Variants in STAB2 observed in about 807,000 individuals in gnomAD.
The protein encoded by STAB2 is stabilin-2.
Under a neutral mutation model 338.1 loss-of-function variants are expected in STAB2, and 288 were observed. The ratio of observed to expected loss-of-function variants is 0.85; its 90% CI spans 0.77 to 0.94. STAB2 has a LOEUF of 0.94. STAB2 is among the 40% of genes least tolerant of loss of function. The pLI, the probability that STAB2 is intolerant of heterozygous loss-of-function variation, is 0.00. For missense variants in STAB2, 3,141 were observed against 3,210.1 expected (o/e 0.98, Z 0.52); for synonymous variants, 1,202 against 1,193.3 (o/e 1.01, Z -0.15).
At position 103,737,598 on chromosome 12, in the gene STAB2, C is replaced by G. The variant is rs61937836; in HGVS notation, c.5551-36C>G. ...TTTCTCTCTCTCTCTCTCTCTCTCT[C>G]TCTTTCTCTTTTTTTTTTTTTTTTT... On this transcript the variant is annotated intron_variant, in intron 52 of 68. Transcript: ENST00000388887. 3.0e-5 allele frequency: 37 copies of G among 1,252,960 alleles called. 1 individual carries two copies. The highest frequency in any genetic ancestry group is 3.1e-5 in the South Asian group (2 of 65,012). 77.6% of individuals were successfully genotyped at this position (1,252,960 alleles called of 1,614,324 possible).
rs768922145 is a variant in STAB2 at position 103,763,587 on chromosome 12, A to G, written c.7584A>G (p.Glu2528=). The G allele has an allele frequency of 3.2e-5, 52 of 1,613,912 alleles. No homozygotes were observed. The Admixed American group carries it at 6.2e-4, about 19-fold the overall frequency. The part of the protein sequence containing the change: ...LYESTTSAPP[E]PSYDPFTDSE... ...AGAGCACAACCTCAGCTCCCCCAGA[A>G]CCTTCCTACGACCCCTTCACGGTGA... Residue 2528 remains glutamate (E), a synonymous_variant, in exon 68 of 69, where the codon GAA becomes GAG. Coordinates refer to ENST00000388887, the MANE Select transcript of STAB2 (RefSeq NM_017564.10).
intron 3 of STAB2, among the ~76,000 whole-genome samples, chr12:103,611,182 G>C (rs1183440797): frequency 6.6e-6 from 1 of 152,200 alleles, no homozygotes; most frequent in Admixed American, 6.5e-5. Context: ...GGGGTGGAGA[G>C]TTCTGTAGAT....
At chr12:103,649,132 C>T (rs1339308460) in intron 10 of STAB2, among the ~76,000 whole-genome samples, 5 of 152,216 alleles carry the variant, frequency 3.3e-5, no homozygotes. Context: ...TGTGAGGATA[C>T]AAACTGTCCC....
chr12:103,625,329 G>A (rs1957364251), intron 5 of STAB2, among the ~76,000 whole-genome samples: 1 of 152,290 alleles, frequency 6.6e-6, no homozygotes, highest in African/African-American at 2.4e-5. Context: ...TGGAGAAAGG[G>A]CAAGTGAAAG....
chr12:103,734,366 CAAG>C (rs992577386), intron 51 of STAB2, among the ~76,000 whole-genome samples: 1 of 150,002 alleles, frequency 6.7e-6, no homozygotes, highest in Non-Finnish European at 1.5e-5. Context: ...CTCATAGGAA[CAAG>C]AGCGATCATA....
At chr12:103,647,220 A>C (rs1478545364) in intron 9 of STAB2, among the ~76,000 whole-genome samples, 1 of 152,220 alleles carries the variant, frequency 6.6e-6, no homozygotes, top group Non-Finnish European at 1.5e-5. Flanking sequence ...GAGGCTGTGC[A>C]ACAATCCAGG....
chr12:103,654,820 G>C, intron 13 of STAB2, 122 bp downstream of exon 13: 1 of 1,209,894 alleles, frequency 8.3e-7, no homozygotes, highest in Non-Finnish European at 1.1e-6. Flanking sequence ...ATCCCGAGCA[G>C]AGAGAAGAAG....
intron 27 of STAB2, 49 bp from the exon 28 acceptor site, chr12:103,688,115 TTCTC>T (rs1877592964): frequency 6.4e-7 from 1 of 1,552,464 alleles, no homozygotes. Flanking sequence ...TCATTGTTCT[TTCTC>T]TGTGTTCTCT....
At chr12:103,765,148 C>CTAAG (rs1235216729) in intron 68 of STAB2, among the ~76,000 whole-genome samples, 1 of 142,180 alleles carries the variant, frequency 7.0e-6, no homozygotes, top group Non-Finnish European at 1.5e-5. Context: ...CATTTGTTAA[C>CTAAG]TAAGTACTGT....
chr12:103,672,148 C>G (rs1446042135), intron 22 of STAB2, among the ~76,000 whole-genome samples: 1 of 152,226 alleles, frequency 6.6e-6, no homozygotes, highest in African/African-American at 2.4e-5. Context: ...TAACTCCACA[C>G]ATTTCCTATG....
At position 103,669,497 on chromosome 12, in the gene STAB2, C is replaced by A. The variant is rs111573111; in HGVS notation, c.2173-44C>A. 2.9e-3 allele frequency: 4,242 copies of A among 1,486,100 alleles called. 92 individuals carry two copies. In the African/African-American group the frequency reaches 0.049, roughly 17 times the overall value. The allele number at this position is 1,486,100 out of a possible 1,614,324, so 92.1% of individuals were successfully genotyped here. A position where few individuals can be genotyped will look rare whatever the true frequency, so the allele number is the denominator to read the frequency against. Reference sequence around the variant, plus strand: ...ATGCATCCCCTTTGAGGAATTGGTGCTCTACTTGGGGGTTCAAAGGGGAAC... The same window carrying A: ...ATGCATCCCCTTTGAGGAATTGGTGATCTACTTGGGGGTTCAAAGGGGAAC... On this transcript the variant is annotated intron_variant, in intron 20 of 68. Coordinates refer to ENST00000388887, the MANE Select transcript of STAB2 (RefSeq NM_017564.10).
chr12:103,698,740 C>A (rs1037616493), intron 33 of STAB2, among the ~76,000 whole-genome samples: 1 of 152,164 alleles, frequency 6.6e-6, no homozygotes, highest in Non-Finnish European at 1.5e-5. Flanking sequence ...AAGCTCCTCT[C>A]GTGCCCCAGA....
At chr12:103,758,398 C>A in intron 64 of STAB2, 109 bp downstream of exon 64, 1 of 1,535,214 alleles carries the variant, frequency 6.5e-7, no homozygotes, top group South Asian at 1.2e-5. Context: ...ATTTATTTAG[C>A]TCACAGATCA....
intron 34 of STAB2, among the ~76,000 whole-genome samples, chr12:103,701,809 T>C (rs546019276): frequency 1.4e-5 from 2 of 145,790 alleles, no homozygotes; most frequent in Non-Finnish European, 3.1e-5. Context: ...TGACTGCAAG[T>C]AAATCATAAG....
rs550091190 is a variant in STAB2, at chr12:103,711,159, T to C, written c.4289-312T>C. 1.7e-5 allele frequency: 6 copies of C among 362,256 alleles called. No individual in the cohort carries two copies. In the East Asian group the frequency reaches 2.9e-4, roughly 18 times the overall value. 22.4% of individuals were successfully genotyped at this position (362,256 alleles called of 1,614,324 possible). ...TCAAAACCCAGAAGAGGGGTACACA[T>C]CAACACCCAGACCATAAGAGCACAT... On this transcript the variant is annotated intron_variant, in intron 39 of 68. Coordinates refer to ENST00000388887, the MANE Select transcript of STAB2 (RefSeq NM_017564.10).
In STAB2 at chr12:103,634,136, A is replaced by G. The variant is rs528240809; in HGVS notation, c.583+2443A>G. Among the ~76,000 whole-genome samples the G allele has an allele frequency of 3.3e-5, 5 of 152,338 alleles. No individual in the cohort carries two copies. In the South Asian group the frequency reaches 1.0e-3, roughly 32 times the overall value. ...ACTAGTTAGGATAATGCTAGTTGCT[A>G]TAAAAAATAAACACAAAACTTCAGT... On this transcript the variant is annotated intron_variant, in intron 6 of 68. Transcript: ENST00000388887.
chr12:103,682,333 G>T (rs1230125153), intron 25 of STAB2, among the ~76,000 whole-genome samples: 1 of 152,166 alleles, frequency 6.6e-6, no homozygotes, highest in Non-Finnish European at 1.5e-5. Flanking sequence ...TCAGGCCAGG[G>T]GAGGATCGAG....
At chr12:103,764,888 A>C (rs1386686531) in intron 68 of STAB2, among the ~76,000 whole-genome samples, 2 of 151,966 alleles carry the variant, frequency 1.3e-5, no homozygotes, top group African/African-American at 4.8e-5. Flanking sequence ...ACCTGAGGTC[A>C]AGAGTTCAAG....
intron 6 of STAB2, 92 bp from the exon 7 acceptor site, chr12:103,637,019 T>C (rs773339602): frequency 1.7e-5 from 23 of 1,374,302 alleles, no homozygotes; most frequent in Admixed American, 2.8e-5. Flanking sequence ...TGAGTTTGTA[T>C]TGCTTTTTAA....
Sources: gnomAD v4.1 joint callset for allele counts (sites outside exome capture counted in the v4.1 genomes callset) on GRCh38, gnomAD v4.1.1 for gene constraint, MANE v1.5 for transcripts, NCBI Gene and HGNC (gene_info 2026-07-23, HGNC 2026-07-21) for gene names.